The following CCDC3 variants were observed in gnomAD, a reference collection of about 807,000 sequenced individuals.
The protein encoded by CCDC3 is coiled-coil domain-containing protein 3.
In CCDC3, 24 loss-of-function variants were observed where a neutral mutation model predicts 21.4. That is an observed-to-expected ratio of 1.12 (90% CI 0.81 to 1.58). CCDC3 has a LOEUF of 1.58. Among genes scored for constraint, CCDC3 ranks in the 40% most tolerant of loss-of-function variants. The pLI, the probability that CCDC3 is intolerant of heterozygous loss-of-function variation, is 0.00. For missense variants in CCDC3, 425 were observed against 360.9 expected, an observed-to-expected ratio of 1.18 and a Z score of -1.44; for synonymous variants, 186 against 166.0, an observed-to-expected ratio of 1.12 and a Z score of -0.93.
At chr10:12,943,615 T>C (rs578067067) in intron 2 of CCDC3, among the ~76,000 whole-genome samples, 5 of 151,978 alleles carry the variant, frequency 3.3e-5, no homozygotes, top group Admixed American at 3.3e-4. Flanking sequence ...GCTGCCCAGG[T>C]AGAAACCCCA....
chr10:13,080,928 CA>C (rs1837031674), intron 3 of CCDC3, among the ~76,000 whole-genome samples: 1 of 152,232 alleles, frequency 6.6e-6, no homozygotes, highest in Non-Finnish European at 1.5e-5. Flanking sequence ...CCGAAACGCA[CA>C]GGGGTGATGA....
chr10:12,946,224 G>A (rs889313330), intron 2 of CCDC3, among the ~76,000 whole-genome samples: 13 of 152,120 alleles, frequency 8.5e-5, no homozygotes, highest in African/African-American at 2.7e-4. Context: ...AACCAAACAT[G>A]TCCACTATGA....
chr10:13,041,321 T>G (rs1836450848), intron 5 of CCDC3, among the ~76,000 whole-genome samples: 2 of 152,126 alleles, frequency 1.3e-5, no homozygotes, highest in Admixed American at 6.6e-5. Context: ...CGACCAATTC[T>G]TATTTCTGGT....
At chr10:12,973,101 G>T (rs528016385) in intron 2 of CCDC3, among the ~76,000 whole-genome samples, 1 of 152,334 alleles carries the variant, frequency 6.6e-6, no homozygotes, top group Non-Finnish European at 1.5e-5. Context: ...CTTACTACGT[G>T]CCAGGTGCTC....
rs1380887660 is a variant in CCDC3 at position 12,910,107 on chromosome 10, CTG to C, written c.550-11430_550-11429del. Among the ~76,000 whole-genome samples, 17 of 152,352 alleles carry C rather than the reference CTG, an allele frequency of 1.1e-4. No homozygotes were observed. In the East Asian group the frequency reaches 3.3e-3, roughly 29 times the overall value. On this transcript the variant is annotated intron_variant, in intron 2 of 2. Coordinates refer to ENST00000378825, the MANE Select transcript of CCDC3 (RefSeq NM_031455.4). Reference sequence around the variant, plus strand: ...TCCAGGTCCTGCTTCAGCTAAGAGTCTGTTTATTTGGGAGAATTTATCAAACC... The same window carrying C: ...TCCAGGTCCTGCTTCAGCTAAGAGTCTTTATTTGGGAGAATTTATCAAACC...
At chr10:12,963,614 A>C (rs1589023450) in intron 2 of CCDC3, among the ~76,000 whole-genome samples, 2 of 117,428 alleles carry the variant, frequency 1.7e-5, no homozygotes, top group Admixed American at 1.1e-4. Flanking sequence ...ACAGGATCTC[A>C]CTCTAACCCA....
rs550230041 is a variant in CCDC3, at chr10:12,916,044, C to T, written c.550-17365G>A. Among the ~76,000 whole-genome samples the T allele has an allele frequency of 6.6e-5, 10 of 152,036 alleles. No homozygotes were observed. In the East Asian group the frequency reaches 1.7e-3, roughly 27 times the overall value. On this transcript the variant is annotated intron_variant, in intron 2 of 2. Coordinates refer to ENST00000378825, the MANE Select transcript of CCDC3 (RefSeq NM_031455.4). Reference sequence around the variant, plus strand: ...GGTTCTCAAGGACAGGCCAAGCACTCGATTGTCCTGGGACAGGCCTAAACC... The same window carrying T: ...GGTTCTCAAGGACAGGCCAAGCACTTGATTGTCCTGGGACAGGCCTAAACC...
chr10:13,017,710 T>C (rs1301212117), intron 5 of CCDC3, among the ~76,000 whole-genome samples: 1 of 152,052 alleles, frequency 6.6e-6, no homozygotes, highest in African/African-American at 2.4e-5. Flanking sequence ...TTTCAAGATT[T>C]TTCTTTCAAC....
At chr10:13,068,114 T>C (rs1049336710) in intron 4 of CCDC3, among the ~76,000 whole-genome samples, 2 of 152,180 alleles carry the variant, frequency 1.3e-5, no homozygotes, top group African/African-American at 4.8e-5. Context: ...GGAAGAAACC[T>C]GTTTTTCTCA....
intron 2 of CCDC3, among the ~76,000 whole-genome samples, chr10:12,900,150 T>G (rs1038182395): frequency 6.6e-6 from 1 of 152,236 alleles, no homozygotes; most frequent in African/African-American, 2.4e-5. Context: ...TGTGGAATTG[T>G]GAGTCCATTA....
chr10:12,912,776 T>A (rs1260645085), intron 2 of CCDC3, among the ~76,000 whole-genome samples: 3 of 152,210 alleles, frequency 2.0e-5, no homozygotes, highest in Admixed American at 2.0e-4. Flanking sequence ...AACATTGAGT[T>A]GATTTTTGTA....
chr10:12,967,530 T>C (rs1307426343), intron 2 of CCDC3, among the ~76,000 whole-genome samples: 1 of 151,708 alleles, frequency 6.6e-6, no homozygotes, highest in African/African-American at 2.4e-5. Flanking sequence ...TAATAAAAAG[T>C]TCAATAGAAA....
At chr10:13,000,159 G>A (rs998734741) in intron 1 of CCDC3, among the ~76,000 whole-genome samples, 1 of 152,160 alleles carries the variant, frequency 6.6e-6, no homozygotes, top group African/African-American at 2.4e-5. Flanking sequence ...CTACTTCCCA[G>A]ACTGGGAAAA....
chr10:12,963,255 C>T (rs1359762894), intron 2 of CCDC3, among the ~76,000 whole-genome samples: 1 of 152,194 alleles, frequency 6.6e-6, no homozygotes, highest in Non-Finnish European at 1.5e-5. Flanking sequence ...CTCACTCCAT[C>T]TCCTCTTTGC....
chr10:13,072,665 T>G (rs922583330), intron 4 of CCDC3, among the ~76,000 whole-genome samples: 2 of 143,344 alleles, frequency 1.4e-5, no homozygotes, highest in African/African-American at 4.9e-5. Context: ...CATCTCACTT[T>G]GCTGAGTTTT....
At chr10:12,938,207 G>T (rs903485382) in intron 2 of CCDC3, among the ~76,000 whole-genome samples, 1 of 152,144 alleles carries the variant, frequency 6.6e-6, no homozygotes, top group African/African-American at 2.4e-5. Context: ...CCACAGAGAG[G>T]AATGCTTCAG....
At chr10:12,911,026 T>C (rs1834263909) in intron 2 of CCDC3, among the ~76,000 whole-genome samples, 1 of 152,232 alleles carries the variant, frequency 6.6e-6, no homozygotes, top group South Asian at 2.1e-4. Flanking sequence ...TTCCATTCTA[T>C]AAACGACCAC....
At chr10:12,902,431 G>A (rs1834109480) in intron 2 of CCDC3, among the ~76,000 whole-genome samples, 1 of 152,178 alleles carries the variant, frequency 6.6e-6, no homozygotes, top group African/African-American at 2.4e-5. Context: ...ATATGGCCAA[G>A]TACCAGGCTG....
intron 2 of CCDC3, among the ~76,000 whole-genome samples, chr10:12,987,522 C>G (rs968115309): frequency 2.6e-5 from 4 of 152,180 alleles, no homozygotes; most frequent in African/African-American, 9.7e-5. Flanking sequence ...GATAAAGCAA[C>G]TAACCTCAGA....
Sources: allele counts gnomAD v4.1 joint callset (sites outside exome capture counted in the v4.1 genomes callset), GRCh38; gene constraint gnomAD v4.1.1; transcripts MANE v1.5; gene names NCBI Gene and HGNC (gene_info 2026-07-23, HGNC 2026-07-21).